AGBL4: variants seen among roughly 807,000 people sequenced by gnomAD.
AGBL4 encodes AGBL carboxypeptidase 4, also known as cytosolic carboxypeptidase 6.
In AGBL4, 58 loss-of-function variants were observed where a neutral mutation model predicts 66.4. That is an observed-to-expected ratio of 0.87 (90% CI 0.71 to 1.09). The LOEUF (loss-of-function observed/expected upper bound fraction) is 1.09. Ranked by LOEUF, AGBL4 falls within the 50% of genes least tolerant of loss-of-function variation. The pLI, the probability that AGBL4 is intolerant of heterozygous loss-of-function variation, is 0.00. For missense variants in AGBL4, 579 were observed against 631.0 expected (o/e 0.92, Z 0.88); for synonymous variants, 234 against 222.9 (o/e 1.05, Z -0.44).
At chr1:48,847,074 G>T (rs1646935036) in intron 6 of AGBL4, among the ~76,000 whole-genome samples, 1 of 151,998 alleles carries the variant, frequency 6.6e-6, no homozygotes, top group South Asian at 2.1e-4. Flanking sequence ...GCCGAGGGGG[G>T]TGGATCACCT....
intron 4 of AGBL4, among the ~76,000 whole-genome samples, chr1:49,104,075 C>G (rs192688510): frequency 7.2e-5 from 11 of 152,170 alleles, no homozygotes; most frequent in Admixed American, 3.3e-4. Flanking sequence ...CACCTCCAAA[C>G]CATGGCTCAT....
At chr1:49,192,241 A>C (rs968109365) in intron 4 of AGBL4, among the ~76,000 whole-genome samples, 6 of 152,016 alleles carry the variant, frequency 3.9e-5, no homozygotes, top group African/African-American at 1.4e-4. Flanking sequence ...ATTTGCTTAC[A>C]TGTTTTATAT....
At chr1:48,888,277 C>T (rs1207335147) in intron 5 of AGBL4, among the ~76,000 whole-genome samples, 1 of 152,170 alleles carries the variant, frequency 6.6e-6, no homozygotes, top group Non-Finnish European at 1.5e-5. Context: ...GCAGTGCTTT[C>T]TGCATGTCAA....
chr1:48,995,964 T>C (rs1222715195), intron 5 of AGBL4, among the ~76,000 whole-genome samples: 2 of 152,158 alleles, frequency 1.3e-5, no homozygotes, highest in Non-Finnish European at 2.9e-5. Flanking sequence ...ATTTCAGCAG[T>C]CCAAACATAT....
At chr1:49,063,946 A>G (rs1253138841) in intron 4 of AGBL4, among the ~76,000 whole-genome samples, 1 of 152,196 alleles carries the variant, frequency 6.6e-6, no homozygotes, top group Non-Finnish European at 1.5e-5. Context: ...GAGAAGAGAG[A>G]TATTAGAGGC....
chr1:49,708,297 TAA>T (rs1002480048), intron 2 of AGBL4, among the ~76,000 whole-genome samples: 1 of 152,048 alleles, frequency 6.6e-6, no homozygotes, highest in African/African-American at 2.4e-5. Flanking sequence ...TTTATTTCAT[TAA>T]GTTGAGCTTC....
intron 3 of AGBL4, among the ~76,000 whole-genome samples, chr1:49,357,326 A>G (rs1414648749): frequency 6.6e-6 from 1 of 152,022 alleles, no homozygotes; most frequent in East Asian, 1.9e-4. Flanking sequence ...TCATAACCCT[A>G]CTTCCTCAGT....
chr1:48,945,286 A>G (rs1656403492), intron 5 of AGBL4, among the ~76,000 whole-genome samples: 1 of 152,164 alleles, frequency 6.6e-6, no homozygotes, highest in South Asian at 2.1e-4. Context: ...TCCATTTTAT[A>G]GGTGAAGAAA....
At position 49,952,665 on chromosome 1, in the gene AGBL4, T is replaced by A. The variant is rs1211363611; in HGVS notation, c.34+71098A>T. 3.9e-5 allele frequency among the ~76,000 whole-genome samples: 6 copies of A among 152,012 alleles called. No individual in the cohort carries two copies. The South Asian group carries it at 1.2e-3, about 32-fold the overall frequency. On this transcript the variant is annotated intron_variant, in intron 1 of 13. Coordinates refer to ENST00000371839, the MANE Select transcript of AGBL4 (RefSeq NM_032785.4). ...TCCTCAAATATAAATGAAAACAGGA[T>A]AGGCAAAACCCAACATTCTTTGTCT...
chr1:49,282,160 C>T (rs1644287158), intron 3 of AGBL4, among the ~76,000 whole-genome samples: 1 of 152,166 alleles, frequency 6.6e-6, no homozygotes. Flanking sequence ...AATCCCCAGA[C>T]ATATGTTGGT....
At chr1:49,495,532 G>T (rs143929220) in intron 3 of AGBL4, among the ~76,000 whole-genome samples, 3 of 150,972 alleles carry the variant, frequency 2.0e-5, no homozygotes, top group Non-Finnish European at 3.0e-5. Flanking sequence ...GTGGATTTTT[G>T]ATTTCAGAAG....
intron 6 of AGBL4, among the ~76,000 whole-genome samples, chr1:48,763,344 AG>A (rs538672400): frequency 2.4e-4 from 36 of 152,222 alleles, no homozygotes; most frequent in Non-Finnish European, 2.9e-4. Flanking sequence ...ATAGGGACTC[AG>A]GGTTTTCTAA....
At chr1:49,221,710 G>A (rs56070225) in intron 4 of AGBL4, among the ~76,000 whole-genome samples, 1 of 151,910 alleles carries the variant, frequency 6.6e-6, no homozygotes, top group South Asian at 2.1e-4. Flanking sequence ...CTTTGAAAGA[G>A]AATTTTGTCT....
intron 4 of AGBL4, among the ~76,000 whole-genome samples, chr1:49,094,757 T>A (rs1645063586): frequency 6.6e-6 from 1 of 152,136 alleles, no homozygotes; most frequent in Admixed American, 6.6e-5. Flanking sequence ...ACTGGAAGCA[T>A]TCTCTTTGAA....
chr1:49,328,430 G>T (rs985722427), intron 3 of AGBL4, among the ~76,000 whole-genome samples: 1 of 152,052 alleles, frequency 6.6e-6, no homozygotes, highest in East Asian at 1.9e-4. Flanking sequence ...TTCTTGTCTT[G>T]GTTTTCTCAC....
At chr1:48,875,332 G>A (rs931535638) in intron 5 of AGBL4, among the ~76,000 whole-genome samples, 1 of 152,132 alleles carries the variant, frequency 6.6e-6, no homozygotes, top group Non-Finnish European at 1.5e-5. Flanking sequence ...AACATGAACA[G>A]TGGCTGAGGC....
intron 6 of AGBL4, among the ~76,000 whole-genome samples, chr1:48,734,425 G>A (rs1000148165): frequency 3.3e-5 from 5 of 152,142 alleles, no homozygotes; most frequent in African/African-American, 9.7e-5. Flanking sequence ...CTCACCAAGA[G>A]CACTGTATCA....
Position 49,917,312 on chromosome 1 carries a change from T to C in AGBL4, c.35-65794A>G, listed in dbSNP as rs187888922. On this transcript the variant is annotated intron_variant, in intron 1 of 13. Transcript: ENST00000371839. The stretch of plus-strand genomic sequence containing the variant: ...TGGCAAATTGGATAAACACTCAAGA[T>C]CCATCAGTGTGCTGTATTCAGGAAA... 7.9e-5 allele frequency among the ~76,000 whole-genome samples: 12 copies of C among 151,374 alleles called. No homozygotes were observed. The East Asian group carries it at 2.1e-3, about 27-fold the overall frequency.
intron 5 of AGBL4, among the ~76,000 whole-genome samples, chr1:48,921,577 C>T (rs892577050): frequency 6.6e-6 from 1 of 152,136 alleles, no homozygotes; most frequent in Non-Finnish European, 1.5e-5. Context: ...TTTTTGGATG[C>T]TCACTGCTCT....
Sources: allele counts gnomAD v4.1 joint callset (sites outside exome capture counted in the v4.1 genomes callset), GRCh38; gene constraint gnomAD v4.1.1; transcripts MANE v1.5; gene names NCBI Gene and HGNC (gene_info 2026-07-23, HGNC 2026-07-21).